CNTLN: variants seen among roughly 807,000 people sequenced by gnomAD.
CNTLN encodes centlein, centrosomal protein.
CNTLN carries 212 observed loss-of-function variants against 180.0 expected under a neutral mutation model. That is an observed-to-expected ratio of 1.18 (90% CI 1.05 to 1.32). CNTLN has a LOEUF of 1.32. Among genes scored for constraint, CNTLN ranks in the 40% most tolerant of loss-of-function variants. The probability of loss-of-function intolerance (pLI) is 0.00; values close to 1 mark genes in which losing one functional copy is unlikely to be tolerated. For missense variants in CNTLN, 2,095 were observed against 1,610.9 expected (o/e 1.30, Z -5.14); for synonymous variants, 722 against 563.1 (o/e 1.28, Z -3.99).
intron 23 of CNTLN, among the ~76,000 whole-genome samples, chr9:17,476,316 A>G (rs1832342779): frequency 6.6e-6 from 1 of 152,142 alleles, no homozygotes; most frequent in Admixed American, 6.6e-5. Context: ...CTGAGACTCA[A>G]CAATATTGCA....
chr9:17,477,049 C>G (rs1414959690), intron 23 of CNTLN, among the ~76,000 whole-genome samples: 1 of 152,166 alleles, frequency 6.6e-6, no homozygotes, highest in Non-Finnish European at 1.5e-5. Context: ...TTCCAAAAAT[C>G]CTAGGACCCT....
intron 23 of CNTLN, among the ~76,000 whole-genome samples, chr9:17,480,552 A>C (rs1832590109): frequency 6.6e-6 from 1 of 152,216 alleles, no homozygotes. Context: ...TCAAGTAGAG[A>C]AAACATAAGG....
chr9:17,256,127 A>G (rs1308998311), intron 5 of CNTLN, among the ~76,000 whole-genome samples: 7 of 151,900 alleles, frequency 4.6e-5, no homozygotes. Flanking sequence ...CATAGTGTAT[A>G]TGTATTATAT....
intron 12 of CNTLN, among the ~76,000 whole-genome samples, chr9:17,347,538 G>A (rs572995343): frequency 3.9e-4 from 59 of 151,938 alleles, no homozygotes; most frequent in African/African-American, 1.3e-3. Flanking sequence ...GTGTGGTGGC[G>A]CACGCCTGTA....
chr9:17,437,914 G>A (rs1829872305), intron 18 of CNTLN, among the ~76,000 whole-genome samples: 1 of 152,030 alleles, frequency 6.6e-6, no homozygotes, highest in African/African-American at 2.4e-5. Flanking sequence ...TTGAAGGAGT[G>A]GTATTTGGGC....
chr9:17,415,879 G>C lies in CNTLN; in HGVS notation c.2888G>C (p.Arg963Thr). Residue 963 changes from arginine to threonine, a missense_variant and splice_region_variant, in exon 17 of 26, where the codon AGA becomes ACA. Arg to Thr is a moderately conservative substitution (Grantham distance 71, BLOSUM62 -1). Coordinates refer to ENST00000380647, the MANE Select transcript of CNTLN (RefSeq NM_017738.4). ...QKSSHTAVPT[R>T]VNREKYKNIT... Reference sequence around the variant, plus strand: ...AGTTCACATACAGCAGTTCCTACTAGAGGTAAGAATGTATATGCAATTAAC... The same window carrying C: ...AGTTCACATACAGCAGTTCCTACTACAGGTAAGAATGTATATGCAATTAAC... 6.2e-7 allele frequency: 1 copy of C among 1,606,300 alleles called. No individual in the cohort carries two copies. The highest frequency in any genetic ancestry group is 8.5e-7 in the Non-Finnish European group (1 of 1,175,592).
intron 12 of CNTLN, among the ~76,000 whole-genome samples, chr9:17,364,894 C>T (rs1233575012): frequency 1.3e-5 from 2 of 152,150 alleles, no homozygotes; most frequent in African/African-American, 2.4e-5. Context: ...GCTTGGGATT[C>T]TGATATCATG....
At chr9:17,197,228 G>A (rs907680849) in intron 2 of CNTLN, among the ~76,000 whole-genome samples, 1 of 152,094 alleles carries the variant, frequency 6.6e-6, no homozygotes, top group African/African-American at 2.4e-5. Flanking sequence ...TTCATATATT[G>A]ACTGTTCTAA....
chr9:17,353,088 C>T (rs1287015305), intron 12 of CNTLN, among the ~76,000 whole-genome samples: 1 of 152,048 alleles, frequency 6.6e-6, no homozygotes. Flanking sequence ...TGAGTGGAAT[C>T]ACTGGGCCAC....
intron 2 of CNTLN, among the ~76,000 whole-genome samples, chr9:17,211,693 A>C (rs1184203732): frequency 6.6e-6 from 1 of 151,994 alleles, no homozygotes; most frequent in South Asian, 2.1e-4. Flanking sequence ...ATGAGCATGG[A>C]ATGTTCTTCC....
At chr9:17,446,424 A>T (rs1352356479) in intron 18 of CNTLN, among the ~76,000 whole-genome samples, 1 of 152,180 alleles carries the variant, frequency 6.6e-6, no homozygotes, top group African/African-American at 2.4e-5. Flanking sequence ...TAGCTTGAAT[A>T]TATGAATTTG....
At chr9:17,140,899 G>A (rs1818043758) in intron 1 of CNTLN, among the ~76,000 whole-genome samples, 1 of 152,066 alleles carries the variant, frequency 6.6e-6, no homozygotes, top group South Asian at 2.1e-4. Flanking sequence ...TCTAATCTTG[G>A]AATAGAGAAG....
chr9:17,297,150 C>A (rs1052869379), intron 6 of CNTLN, among the ~76,000 whole-genome samples: 1 of 152,076 alleles, frequency 6.6e-6, no homozygotes, highest in Admixed American at 6.5e-5. Flanking sequence ...CGTGTACAGA[C>A]TTTTTTCTTG....
intron 12 of CNTLN, among the ~76,000 whole-genome samples, chr9:17,358,246 A>C (rs1823007514): frequency 6.6e-6 from 1 of 152,066 alleles, no homozygotes; most frequent in African/African-American, 2.4e-5. Context: ...ATACAAATAC[A>C]TTGTGATACA....
intron 7 of CNTLN, chr9:17,298,858 A>G: frequency 2.0e-6 from 2 of 985,374 alleles, no homozygotes; most frequent in Non-Finnish European, 2.4e-6. Context: ...TTTACTTTAC[A>G]GTTGTTTTAG....
intron 8 of CNTLN, among the ~76,000 whole-genome samples, chr9:17,320,489 G>A (rs1374247309): frequency 3.5e-5 from 4 of 113,572 alleles, no homozygotes. Flanking sequence ...ATATTCCAAT[G>A]CCTTTTGTTT....
intron 12 of CNTLN, among the ~76,000 whole-genome samples, chr9:17,346,619 T>C (rs1821922817): frequency 6.6e-6 from 1 of 152,218 alleles, no homozygotes; most frequent in South Asian, 2.1e-4. Context: ...CAATAGGTAA[T>C]GCATCATTCT....
the CNTLN span, among the ~76,000 whole-genome samples, chr9:17,519,136 C>T: frequency 7.1e-6 from 1 of 140,346 alleles, no homozygotes; most frequent in Non-Finnish European, 1.5e-5. Context: ...TTATGTTTCC[C>T]AGACTGGTCT....
chr9:17,362,439 T>G (rs1823472312), intron 12 of CNTLN, among the ~76,000 whole-genome samples: 1 of 152,176 alleles, frequency 6.6e-6, no homozygotes, highest in South Asian at 2.1e-4. Flanking sequence ...TTTAAAATCC[T>G]TATGTGTGTG....
Sources: allele counts gnomAD v4.1 joint callset (sites outside exome capture counted in the v4.1 genomes callset), GRCh38; gene constraint gnomAD v4.1.1; transcripts MANE v1.5; gene names NCBI Gene and HGNC (gene_info 2026-07-23, HGNC 2026-07-21).